Variants in TEAD1 observed in about 807,000 individuals in gnomAD.
The protein encoded by TEAD1 is transcriptional enhancer factor TEF-1.
A neutral mutation model predicts 54.9 loss-of-function variants in TEAD1; 9 were observed. The ratio of observed to expected loss-of-function variants is 0.16; its 90% CI spans 0.10 to 0.29. The LOEUF is 0.29. Among genes scored for constraint, TEAD1 ranks in the 10% least tolerant of loss-of-function variants. The pLI, the probability that TEAD1 is intolerant of heterozygous loss-of-function variation, is 1.00. For synonymous variants in TEAD1, 200 were observed against 187.8 expected (o/e 1.07, Z -0.53); for missense variants, 387 against 535.9 (o/e 0.72, Z 2.74).
At chr11:12,900,227 A>ATTT (rs3046322) in intron 9 of TEAD1, among the ~76,000 whole-genome samples, 20,301 of 142,490 alleles carry the variant, frequency 0.14, 1,633 homozygotes, top group South Asian at 0.23. Context: ...ACACCTGGTG[A>ATTT]TTTTTTTTTT....
chr11:12,794,738 A>T (rs1945878331), intron 3 of TEAD1, among the ~76,000 whole-genome samples: 1 of 152,184 alleles, frequency 6.6e-6, no homozygotes. Flanking sequence ...GGAGCACCCG[A>T]GTGGGTGTGC....
chr11:12,751,163 A>G (rs996779777), intron 2 of TEAD1, among the ~76,000 whole-genome samples: 7 of 151,898 alleles, frequency 4.6e-5, no homozygotes, highest in African/African-American at 1.5e-4. Flanking sequence ...TTAGCTGGGC[A>G]TGGTAGCATG....
intron 2 of TEAD1, among the ~76,000 whole-genome samples, chr11:12,688,479 C>T (rs550135734): frequency 1.1e-4 from 16 of 152,252 alleles, no homozygotes; most frequent in Non-Finnish European, 1.3e-4. Flanking sequence ...CATGACTTTC[C>T]CCGCTTCCCA....
chr11:12,678,149 T>G (rs1157776412), intron 2 of TEAD1, among the ~76,000 whole-genome samples: 1 of 152,236 alleles, frequency 6.6e-6, no homozygotes, highest in Non-Finnish European at 1.5e-5. Flanking sequence ...AGGGTCTGTT[T>G]TCTCCAAAGA....
chr11:12,812,338 A>G (rs1007949525), intron 3 of TEAD1, among the ~76,000 whole-genome samples: 2 of 152,164 alleles, frequency 1.3e-5, no homozygotes, highest in Non-Finnish European at 1.5e-5. Context: ...AGCATGCATG[A>G]TTGATCCCTA....
chr11:12,748,965 C>T (rs1237435509), intron 2 of TEAD1, among the ~76,000 whole-genome samples: 6 of 152,088 alleles, frequency 3.9e-5, no homozygotes, highest in African/African-American at 1.4e-4. Context: ...GGTTATGCTC[C>T]AGCCAGTTTA....
chr11:12,921,223 A>G (rs913634920), intron 10 of TEAD1: 1 of 152,116 alleles, frequency 6.6e-6, no homozygotes, highest in African/African-American at 2.4e-5. Context: ...TACCACATGC[A>G]TGTTTTCACT....
rs1949130005 is a variant in TEAD1 at position 12,938,472 on chromosome 11, G to A, written c.*1250G>A. Reference sequence around the variant, plus strand: ...CACATATAGAGTTAACACATTTAGTGAACACTTGTTTAGTGTCACTCAGTT... The same window carrying A: ...CACATATAGAGTTAACACATTTAGTAAACACTTGTTTAGTGTCACTCAGTT... On this transcript the variant is annotated 3_prime_UTR_variant, in exon 13 of 13. Coordinates refer to ENST00000527636, the MANE Select transcript of TEAD1 (RefSeq NM_021961.6). 1.3e-5 allele frequency: 2 copies of A among 152,284 alleles called. No individual in the cohort carries two copies. Among genetic ancestry groups the A allele is most frequent in the Non-Finnish European group, 2.9e-5 (2 of 68,040 alleles). 9.4% of individuals were successfully genotyped at this position (152,284 alleles called of 1,614,324 possible).
intron 2 of TEAD1, among the ~76,000 whole-genome samples, chr11:12,728,899 A>G (rs1190580103): frequency 6.6e-6 from 1 of 152,250 alleles, no homozygotes; most frequent in African/African-American, 2.4e-5. Flanking sequence ...GGTTGTGCCC[A>G]AACCATTGGA....
At chr11:12,685,053 G>C (rs1486086001) in intron 2 of TEAD1, among the ~76,000 whole-genome samples, 1 of 152,206 alleles carries the variant, frequency 6.6e-6, no homozygotes, top group Non-Finnish European at 1.5e-5. Context: ...ACTTCTGGGT[G>C]TGTCAATGTC....
At position 12,762,048 on chromosome 11, in the gene TEAD1, C is replaced by G. The variant is rs190208386; in HGVS notation, c.-54-2131C>G. ...GGTCCCTCAGTCCCTTCAGCCATCC[C>G]CCACTGTCCTAGATCCCATTCCCTG... On this transcript the variant is annotated intron_variant, in intron 2 of 12. Transcript: ENST00000527636. 2.5e-4 allele frequency among the ~76,000 whole-genome samples: 38 copies of G among 152,198 alleles called. 1 individual carries two copies. Among genetic ancestry groups the G allele is most frequent in the Middle Eastern group, 3.4e-3 (1 of 294 alleles).
At chr11:12,909,169 C>G (rs1299457943) in intron 10 of TEAD1, among the ~76,000 whole-genome samples, 4 of 152,160 alleles carry the variant, frequency 2.6e-5, no homozygotes, top group African/African-American at 9.7e-5. Context: ...CTTCCTCATT[C>G]TCTGTAGAAA....
At chr11:12,864,657 G>GTTTTGTTTTGTTTTT in intron 4 of TEAD1, 181 bp from the exon 5 acceptor site, 3 of 1,383,750 alleles carry the variant, frequency 2.2e-6, no homozygotes, top group South Asian at 1.5e-5. Flanking sequence ...GTTTTGTTTT[G>GTTTTGTTTTGTTTTT]TTTCCCCTCA....
chr11:12,865,030 T>C, intron 5 of TEAD1, 130 bp downstream of exon 5: 1 of 1,002,162 alleles, frequency 1.0e-6, no homozygotes, highest in Non-Finnish European at 1.6e-6. Flanking sequence ...GCTGTTTACA[T>C]TTCTTTGTGT....
chr11:12,808,326 G>A (rs574555143), intron 3 of TEAD1, among the ~76,000 whole-genome samples: 4 of 152,184 alleles, frequency 2.6e-5, no homozygotes, highest in Admixed American at 1.3e-4. Context: ...TCCACCAGGC[G>A]CCATTCCTGT....
chr11:12,899,046 C>T (rs1381391819), intron 9 of TEAD1, among the ~76,000 whole-genome samples: 2 of 152,184 alleles, frequency 1.3e-5, no homozygotes, highest in South Asian at 2.1e-4. Flanking sequence ...CTCAACTTCA[C>T]CCCAGCTCTG....
chr11:12,695,798 G>C (rs1356011630), intron 2 of TEAD1, among the ~76,000 whole-genome samples: 3 of 152,148 alleles, frequency 2.0e-5, no homozygotes. Flanking sequence ...TATTTTCTGA[G>C]CCTGCCCCAG....
intron 2 of TEAD1, among the ~76,000 whole-genome samples, chr11:12,755,432 G>A (rs900751813): frequency 5.9e-5 from 9 of 152,104 alleles, no homozygotes; most frequent in Non-Finnish European, 5.9e-5. Flanking sequence ...TGTTTTCCTG[G>A]TGTTTTCTTT....
chr11:12,739,905 A>G (rs1473127992), intron 2 of TEAD1, among the ~76,000 whole-genome samples: 1 of 152,236 alleles, frequency 6.6e-6, no homozygotes, highest in African/African-American at 2.4e-5. Flanking sequence ...GAGTAGTTGT[A>G]TGTATAAAGT....
Sources: gnomAD v4.1 joint callset for allele counts (sites outside exome capture counted in the v4.1 genomes callset) on GRCh38, gnomAD v4.1.1 for gene constraint, MANE v1.5 for transcripts, NCBI Gene and HGNC (gene_info 2026-07-23, HGNC 2026-07-21) for gene names.